Variants in SRSF10 observed in about 807,000 individuals in gnomAD.
SRSF10 encodes the protein serine and arginine rich splicing factor 10, also known as serine/arginine-rich splicing factor 10.
In SRSF10, 9 loss-of-function variants were observed where a neutral mutation model predicts 32.6. The ratio of observed to expected loss-of-function variants is 0.28; its 90% CI spans 0.17 to 0.48. SRSF10 has a LOEUF of 0.48. SRSF10 is among the 20% of genes least tolerant of loss of function. The probability of loss-of-function intolerance (pLI) is 0.99; values close to 1 mark genes in which losing one functional copy is unlikely to be tolerated. For synonymous variants in SRSF10, 105 were observed against 112.4 expected, an observed-to-expected ratio of 0.93 and a Z score of 0.42; for missense variants, 201 against 331.8, an observed-to-expected ratio of 0.61 and a Z score of 3.06.
chr1:23,979,218 G>GT (rs1462770539), intron 1 of SRSF10, among the ~76,000 whole-genome samples: 4 of 152,050 alleles, frequency 2.6e-5, no homozygotes, highest in Admixed American at 2.0e-4. Flanking sequence ...TTCTTAAATA[G>GT]TTAAGTGTCA....
At chr1:23,978,594 T>G (rs1642225351) in intron 2 of SRSF10, 119 bp downstream of exon 2, 5 of 1,299,732 alleles carry the variant, frequency 3.8e-6, no homozygotes, top group Non-Finnish European at 1.0e-6. Flanking sequence ...TTTCAAAAAT[T>G]TGAAGACAGA....
chr1:23,979,915 G>C (rs1012766532), intron 1 of SRSF10, among the ~76,000 whole-genome samples: 2 of 152,018 alleles, frequency 1.3e-5, no homozygotes, highest in East Asian at 3.9e-4. Flanking sequence ...GGGGCTGCTC[G>C]CGCCGGCAGG....
In SRSF10 at chr1:23,964,375, CTA is replaced by C. The variant is rs1362067538; in HGVS notation, c.*6765_*6766del. On this transcript the variant is annotated 3_prime_UTR_variant, in exon 6 of 6. Coordinates refer to ENST00000492112, the MANE Select transcript of SRSF10 (RefSeq NM_054016.4). ...GGTACTGATAAAAGTTTTGGTTAGC[CTA>C]TATAGAGAATGGTGATAGGAATTTC... is the stretch of plus-strand genomic sequence containing the variant. 6.6e-6 allele frequency among the ~76,000 whole-genome samples: 1 copy of C among 151,458 alleles called. No homozygotes were observed. The highest frequency in any genetic ancestry group is 2.4e-5 in the African/African-American group (1 of 41,130).
chr1:23,965,316 T>C lies in SRSF10; in HGVS notation c.*5826A>G, dbSNP rs1168961879. 1 of 151,958 alleles carries C rather than the reference T, an allele frequency of 6.6e-6. No homozygotes were observed. The highest frequency in any genetic ancestry group is 1.5e-5 in the Non-Finnish European group (1 of 67,850). The allele number at this position is 151,958 out of a possible 1,614,324, so 9.4% of individuals were successfully genotyped here. On this transcript the variant is annotated 3_prime_UTR_variant, in exon 6 of 6. Transcript: ENST00000492112. ...TTAGGTTTTGTAAACAGGAACATGG[T>C]CAAAATGCAATACAATGGAAAATCT...
At position 23,968,177 on chromosome 1, in the gene SRSF10, CATGG is replaced by C. The variant is rs1453036861; in HGVS notation, c.*2961_*2964del. On this transcript the variant is annotated 3_prime_UTR_variant, in exon 6 of 6. Coordinates refer to ENST00000492112, the MANE Select transcript of SRSF10 (RefSeq NM_054016.4). Reference sequence around the variant, plus strand: ...CAAGTATCAGTAGGATCCAAACTACCATGGGTTCAACTGTAATATAGTCCTTTTG... The same window carrying C: ...CAAGTATCAGTAGGATCCAAACTACCGTTCAACTGTAATATAGTCCTTTTG... 6.6e-6 allele frequency among the ~76,000 whole-genome samples: 1 copy of C among 152,104 alleles called. No individual in the cohort carries two copies. The highest frequency in any genetic ancestry group is 1.5e-5 in the Non-Finnish European group (1 of 67,992).
chr1:23,975,708 A>C (rs1642046387), intron 2 of SRSF10: 2 of 152,338 alleles, frequency 1.3e-5, no homozygotes, highest in Admixed American at 6.5e-5. Context: ...AGCAGTACTC[A>C]AGACAATCAC....
At chr1:23,972,898 A>C (rs1570775592) in intron 3 of SRSF10, among the ~76,000 whole-genome samples, 2 of 151,972 alleles carry the variant, frequency 1.3e-5, no homozygotes, top group Non-Finnish European at 2.9e-5. Flanking sequence ...GCGCCACCAC[A>C]CCAGGCTAGT....
At chr1:23,975,124 G>T in intron 2 of SRSF10, 47 bp from the exon 3 acceptor site, 1 of 1,426,488 alleles carries the variant, frequency 7.0e-7, no homozygotes, top group South Asian at 1.1e-5. Flanking sequence ...CTTTGATAAT[G>T]AATGAAAGTT....
Position 23,971,910 on chromosome 1 carries a change from C to G in SRSF10, c.377G>C (p.Arg126Thr). Reference sequence around the variant, plus strand: ...AAAAGACCGACTTCTTGATCTCCTCCTTTCATAACTTCGGCTTCTAGAACG... The same window carrying G: ...AAAAGACCGACTTCTTGATCTCCTCGTTTCATAACTTCGGCTTCTAGAACG... ...YRRSRSRSYE[R>T]RRSRSRSFDY... Residue 126 changes from arginine to threonine, a missense_variant, in exon 4 of 6, where the codon AGG (arginine) becomes ACG (threonine). Physicochemically the swap from Arg to Thr is moderately conservative, Grantham distance 71. Transcript: ENST00000492112. 6.2e-7 allele frequency: 1 copy of G among 1,605,570 alleles called. No homozygotes were observed. Among genetic ancestry groups the G allele is most frequent in the Non-Finnish European group, 8.5e-7 (1 of 1,177,522 alleles).
intron 2 of SRSF10, 52 bp from the exon 3 acceptor site, chr1:23,975,129 A>AT: frequency 7.2e-7 from 1 of 1,384,582 alleles, no homozygotes; most frequent in East Asian, 2.3e-5. Flanking sequence ...ATAATGAATG[A>AT]AAGTTCAGTT....
chr1:23,966,640 T>C lies in SRSF10; in HGVS notation c.*4502A>G, dbSNP rs1431331448. On this transcript the variant is annotated 3_prime_UTR_variant, in exon 6 of 6. Transcript: ENST00000492112. ...AGCACCCAGTCTCCTTTATACCTAA[T>C]GCAAAGTTAAATACTTATTTTGGGG... The C allele has an allele frequency of 1.3e-5, 2 of 152,024 alleles. No individual in the cohort carries two copies. The highest frequency in any genetic ancestry group is 2.9e-5 in the Non-Finnish European group (2 of 67,898). 9.4% of individuals were successfully genotyped at this position (152,024 alleles called of 1,614,324 possible). A position where few individuals can be genotyped will look rare whatever the true frequency, so the allele number is the denominator to read the frequency against.
chr1:23,967,662 T>C lies in SRSF10; in HGVS notation c.*3480A>G. ...GCCCTTCTTTGGTTCTTTTTCCGCTTTCAGATCTTTCTTGAAGTGTAGTAA... is the reference window on the plus strand; with the variant it reads ...GCCCTTCTTTGGTTCTTTTTCCGCTCTCAGATCTTTCTTGAAGTGTAGTAA... On this transcript the variant is annotated 3_prime_UTR_variant, in exon 6 of 6. Coordinates refer to ENST00000492112, the MANE Select transcript of SRSF10 (RefSeq NM_054016.4). The C allele has an allele frequency of 6.4e-7, 1 of 1,573,250 alleles. No individual in the cohort carries two copies. Among genetic ancestry groups the C allele is most frequent in the Non-Finnish European group, 8.7e-7 (1 of 1,143,218 alleles).
Position 23,964,648 on chromosome 1 carries a change from G to GT in SRSF10, c.*6493dup, listed in dbSNP as rs1641367482. ...CAGGAAAAAACCTGAAAGGTTTTGTGTAAGTTTCAGTTTCTAGTATTTTGG... is the reference window on the plus strand; with the variant it reads ...CAGGAAAAAACCTGAAAGGTTTTGTGTTAAGTTTCAGTTTCTAGTATTTTGG... On this transcript the variant is annotated 3_prime_UTR_variant, in exon 6 of 6. Coordinates refer to ENST00000492112, the MANE Select transcript of SRSF10 (RefSeq NM_054016.4). 2.6e-5 allele frequency among the ~76,000 whole-genome samples: 4 copies of GT among 152,110 alleles called. No homozygotes were observed. The South Asian group carries it at 6.2e-4, about 24-fold the overall frequency.
chr1:23,972,312 GA>G (rs1641807173), intron 3 of SRSF10, among the ~76,000 whole-genome samples: 1 of 151,890 alleles, frequency 6.6e-6, no homozygotes. Flanking sequence ...GCTAAGGGGG[GA>G]AATCACTTGA....
At position 23,970,029 on chromosome 1, in the gene SRSF10, C is replaced by T; in HGVS notation, c.*1113G>A. ...TTACACTAGGCACACACACACAAAA[C>T]CTACTTTGAAACAATTTACTTACTT... On this transcript the variant is annotated 3_prime_UTR_variant, in exon 6 of 6. Coordinates refer to ENST00000492112, the MANE Select transcript of SRSF10 (RefSeq NM_054016.4). The T allele has an allele frequency of 3.0e-6, 3 of 985,414 alleles. No individual in the cohort carries two copies. The highest frequency in any genetic ancestry group is 4.7e-5 in the South Asian group (1 of 21,288). The allele number at this position is 985,414 out of a possible 1,614,324, so 61.0% of individuals were successfully genotyped here. A position where few individuals can be genotyped will look rare whatever the true frequency, so the allele number is the denominator to read the frequency against.
Position 23,969,303 on chromosome 1 carries a change from A to T in SRSF10, c.*1839T>A. On this transcript the variant is annotated 3_prime_UTR_variant, in exon 6 of 6. Transcript: ENST00000492112. ...TGCTAGAACTGTAAACTACTGCTAC[A>T]GTTTTAAATAGACTTTTTGTTGTTT... The T allele has an allele frequency of 1.0e-6, 1 of 985,338 alleles. No homozygotes were observed. Among genetic ancestry groups the T allele is most frequent in the Non-Finnish European group, 1.2e-6 (1 of 829,440 alleles). 61.0% of individuals were successfully genotyped at this position (985,338 alleles called of 1,614,324 possible). A position where few individuals can be genotyped will look rare whatever the true frequency, so the allele number is the denominator to read the frequency against.
rs1641430574 is a variant in SRSF10 at position 23,965,976 on chromosome 1, T to C, written c.*5166A>G. 1 of 151,908 alleles carries C rather than the reference T, an allele frequency of 6.6e-6. No individual in the cohort carries two copies. Among genetic ancestry groups the C allele is most frequent in the Non-Finnish European group, 1.5e-5 (1 of 67,852 alleles). 9.4% of individuals were successfully genotyped at this position (151,908 alleles called of 1,614,324 possible). ...CTATGTTAATGAGTGTATAACGGTA[T>C]ACAACAAAATACTTTTTGTAATTAA... is the stretch of plus-strand genomic sequence containing the variant. On this transcript the variant is annotated 3_prime_UTR_variant, in exon 6 of 6. Coordinates refer to ENST00000492112, the MANE Select transcript of SRSF10 (RefSeq NM_054016.4).
At chr1:23,972,141 G>A (rs1014048063) in intron 3 of SRSF10, 129 bp from the exon 4 acceptor site, 28 of 738,982 alleles carry the variant, frequency 3.8e-5, no homozygotes, top group Non-Finnish European at 5.3e-5. Flanking sequence ...CCGGGTGGTG[G>A]CTCACACCTG....
chr1:23,973,749 G>A (rs1641912043), intron 3 of SRSF10, among the ~76,000 whole-genome samples: 2 of 152,158 alleles, frequency 1.3e-5, no homozygotes, highest in Non-Finnish European at 2.9e-5. Context: ...TATGAACAAT[G>A]TGCAGTGTCA....
Sources: allele counts gnomAD v4.1 joint callset (sites outside exome capture counted in the v4.1 genomes callset), GRCh38; gene constraint gnomAD v4.1.1; transcripts MANE v1.5; gene names NCBI Gene and HGNC (gene_info 2026-07-23, HGNC 2026-07-21).